The following PHF24 variants were observed in gnomAD, a reference collection of about 807,000 sequenced individuals.
PHF24 encodes the protein Galpha inhibitory interacting protein.
A neutral mutation model predicts 42.6 loss-of-function variants in PHF24; 25 were observed. The observed-to-expected ratio is 0.59, with a 90% confidence interval of 0.43 to 0.82. PHF24 has a LOEUF of 0.82. Ranked by LOEUF, PHF24 falls within the 40% of genes least tolerant of loss-of-function variation. PHF24 has a pLI of 0.00. For synonymous variants in PHF24, 185 were observed against 204.8 expected (o/e 0.90, Z 0.83); for missense variants, 470 against 538.1 (o/e 0.87, Z 1.25).
At chr9:34,884,861 G>T in the PHF24 span, among the ~76,000 whole-genome samples, 1 of 152,202 alleles carries the variant, frequency 6.6e-6, no homozygotes, top group Non-Finnish European at 1.5e-5. Context: ...CCTGCTAGGG[G>T]TGAGCAGGTA....
the PHF24 span, chr9:34,709,195 G>A: frequency 9.1e-5 from 61 of 671,648 alleles, no homozygotes; most frequent in Non-Finnish European, 1.4e-4. Context: ...GACCTGGCCT[G>A]CTGTGGGCAG....
chr9:34,795,580 T>C, the PHF24 span, among the ~76,000 whole-genome samples: 1 of 152,162 alleles, frequency 6.6e-6, no homozygotes, highest in Non-Finnish European at 1.5e-5. Flanking sequence ...ATTGAGTTGT[T>C]TGAAATGTTT....
the PHF24 span, among the ~76,000 whole-genome samples, chr9:34,871,194 A>G: frequency 7.9e-5 from 12 of 152,212 alleles, no homozygotes; most frequent in African/African-American, 2.9e-4. Flanking sequence ...CTAAGGACAT[A>G]TGGTGTGGAA....
At chr9:34,815,842 T>C in the PHF24 span, among the ~76,000 whole-genome samples, 1 of 152,174 alleles carries the variant, frequency 6.6e-6, no homozygotes, top group African/African-American at 2.4e-5. Context: ...TTTTAGGCCA[T>C]GCCCTCTTTC....
At chr9:34,674,878 GT>G in the PHF24 span, among the ~76,000 whole-genome samples, 1 of 152,038 alleles carries the variant, frequency 6.6e-6, no homozygotes, top group East Asian at 1.9e-4. Context: ...TGTTATTTTT[GT>G]TTTTTGAGAC....
the PHF24 span, among the ~76,000 whole-genome samples, chr9:34,847,650 G>C: frequency 6.6e-6 from 1 of 151,826 alleles, no homozygotes; most frequent in Non-Finnish European, 1.5e-5. Flanking sequence ...GAATAGGAGT[G>C]GTGAGAGAGG....
chr9:34,943,347 C>A, the PHF24 span, among the ~76,000 whole-genome samples: 1 of 152,158 alleles, frequency 6.6e-6, no homozygotes, highest in South Asian at 2.1e-4. Context: ...GGCTAAGAAC[C>A]CAATATGAGG....
chr9:34,709,094 G>T, the PHF24 span: 2 of 501,798 alleles, frequency 4.0e-6, no homozygotes, highest in Non-Finnish European at 7.0e-6. Context: ...AGCCGTATCA[G>T]GTCCAGGGTC....
chr9:34,938,586 T>C, the PHF24 span, among the ~76,000 whole-genome samples: 4 of 152,206 alleles, frequency 2.6e-5, no homozygotes, highest in East Asian at 1.9e-4. Context: ...TGCAAGTTAC[T>C]GAACTTCCCT....
At chr9:34,817,112 CTA>C in the PHF24 span, among the ~76,000 whole-genome samples, 1 of 152,100 alleles carries the variant, frequency 6.6e-6, no homozygotes, top group African/African-American at 2.4e-5. Flanking sequence ...TGAGAACACT[CTA>C]AATATTTTCT....
chr9:34,809,276 G>A, the PHF24 span, among the ~76,000 whole-genome samples: 1 of 151,998 alleles, frequency 6.6e-6, no homozygotes, highest in African/African-American at 2.4e-5. The surrounding 1 kb of genome is among the most constrained non-coding windows in gnomAD (Gnocchi z 4.1). Flanking sequence ...ATTTAAATAA[G>A]GTCTTCAGCA....
chr9:34,839,757 A>G, the PHF24 span, among the ~76,000 whole-genome samples: 1 of 152,242 alleles, frequency 6.6e-6, no homozygotes, highest in Non-Finnish European at 1.5e-5. Context: ...TTAAAAATCT[A>G]GTTTCGAAGA....
chr9:34,972,700 G>T (rs1467672673), intron 3 of PHF24, among the ~76,000 whole-genome samples, 169 bp downstream of exon 3: 1 of 152,116 alleles, frequency 6.6e-6, no homozygotes, highest in Non-Finnish European at 1.5e-5. Context: ...AAGATCACGA[G>T]GTCAAGAGAT....
At chr9:34,896,930 C>A in the PHF24 span, among the ~76,000 whole-genome samples, 2 of 152,010 alleles carry the variant, frequency 1.3e-5, no homozygotes, top group Admixed American at 1.3e-4. Flanking sequence ...CTGAGGCAGG[C>A]GGATCACCTG....
At chr9:34,913,334 A>C in the PHF24 span, among the ~76,000 whole-genome samples, 18 of 152,194 alleles carry the variant, frequency 1.2e-4, no homozygotes, top group Non-Finnish European at 2.2e-4. Flanking sequence ...CAGATATGAA[A>C]TCTCAGTGAC....
At chr9:34,679,506 G>A in the PHF24 span, among the ~76,000 whole-genome samples, 16 of 152,348 alleles carry the variant, frequency 1.1e-4, no homozygotes, top group African/African-American at 3.8e-4. Context: ...CACGAGGTCA[G>A]GAGATCGAGA....
At chr9:34,874,012 A>G in the PHF24 span, among the ~76,000 whole-genome samples, 1 of 152,188 alleles carries the variant, frequency 6.6e-6, no homozygotes, top group Non-Finnish European at 1.5e-5. Flanking sequence ...TTACTGGTGT[A>G]TAAGAATGCT....
the PHF24 span, chr9:34,725,044 C>A: frequency 2.6e-6 from 4 of 1,551,824 alleles, no homozygotes; most frequent in African/African-American, 5.5e-5. Context: ...CTTTGTGATG[C>A]AGGTCCGGGT....
At chr9:34,838,156 G>A in the PHF24 span, among the ~76,000 whole-genome samples, 921 of 152,316 alleles carry the variant, frequency 6.0e-3, 8 homozygotes, top group Non-Finnish European at 0.01. Flanking sequence ...TTCAATTAGA[G>A]TATGGTTCAG....
Sources: allele counts gnomAD v4.1 joint callset (sites outside exome capture counted in the v4.1 genomes callset), GRCh38; gene constraint gnomAD v4.1.1; non-coding constraint Gnocchi (gnomAD v3.1); transcripts MANE v1.5; gene names NCBI Gene and HGNC (gene_info 2026-07-23, HGNC 2026-07-21).